TSNAXIP1: variants seen among roughly 807,000 people sequenced by gnomAD.
The protein encoded by TSNAXIP1 is translin-associated factor X-interacting protein 1.
TSNAXIP1 carries 89 observed loss-of-function variants against 84.8 expected under a neutral mutation model. The ratio of observed to expected loss-of-function variants is 1.05; its 90% CI spans 0.88 to 1.25. The LOEUF is 1.25. Ranked by LOEUF, TSNAXIP1 falls within the 50% of genes most tolerant of loss-of-function variation. The probability of loss-of-function intolerance (pLI) is 0.00; values close to 1 mark genes in which losing one functional copy is unlikely to be tolerated. For missense variants in TSNAXIP1, 874 were observed against 887.6 expected, an observed-to-expected ratio of 0.98 and a Z score of 0.20; for synonymous variants, 347 against 335.2, an observed-to-expected ratio of 1.04 and a Z score of -0.39.
At position 67,825,940 on chromosome 16, in the gene TSNAXIP1, C is replaced by T. The variant is rs1448752087; in HGVS notation, c.1008C>T (p.Tyr336=). The T allele has an allele frequency of 5.0e-6, 8 of 1,614,062 alleles. No homozygotes were observed. The highest frequency in any genetic ancestry group is 1.7e-5 in the Admixed American group (1 of 60,010). Residue 336 remains tyrosine, a synonymous_variant, in exon 9 of 16, where the codon TAC becomes TAT. Transcript: ENST00000561639. ...QEQLDTLRAS[Y]EEVRKEHEIL... is the part of the protein sequence containing the mutation. ...AGCTGGACACCCTGAGAGCCAGCTACGAGGAGGTTCGCAAGGAGCATGAGA... is the reference window on the plus strand; with the variant it reads ...AGCTGGACACCCTGAGAGCCAGCTATGAGGAGGTTCGCAAGGAGCATGAGA...
rs1321428859 is a variant in TSNAXIP1 at position 67,806,895 on chromosome 16, C to G, written c.-255C>G. On this transcript the variant is annotated 5_prime_UTR_variant, in exon 1 of 16. Coordinates refer to ENST00000561639, the MANE Select transcript of TSNAXIP1 (RefSeq NM_001288990.3). The stretch of plus-strand genomic sequence containing the variant: ...CTCCCCATGGCCTCTGTTCATCCCC[C>G]TGCCTCAGTTCTGGTACCTGGGGTC... 9.8e-6 allele frequency: 6 copies of G among 611,380 alleles called. No homozygotes were observed. In the South Asian group the frequency reaches 1.2e-4, roughly 12 times the overall value. The allele number at this position is 611,380 out of a possible 1,614,324, so 37.9% of individuals were successfully genotyped here.
intron 1 of TSNAXIP1, among the ~76,000 whole-genome samples, chr16:67,808,701 C>T (rs530586336): frequency 2.3e-4 from 34 of 150,998 alleles, no homozygotes; most frequent in Non-Finnish European, 2.8e-4. Context: ...GCCAAGATCA[C>T]GCCACTGCAC....
intron 2 of TSNAXIP1, among the ~76,000 whole-genome samples, chr16:67,819,820 T>TTTTTTTTATTTA (rs1287446322): frequency 2.9e-5 from 4 of 137,340 alleles, no homozygotes; most frequent in African/African-American, 1.1e-4. Context: ...GCTAAATTTT[T>TTTTTTTTATTTA]TTTTTTTTTT....
intron 1 of TSNAXIP1, among the ~76,000 whole-genome samples, chr16:67,812,888 GGCATGA>G (rs2056220044): frequency 6.6e-6 from 1 of 152,102 alleles, no homozygotes; most frequent in South Asian, 2.1e-4. Flanking sequence ...TGGGATTACA[GGCATGA>G]GCTACCACGC....
At chr16:67,826,355 T>TG in intron 10 of TSNAXIP1, 73 bp downstream of exon 10, 4 of 1,603,910 alleles carry the variant, frequency 2.5e-6, no homozygotes, top group Non-Finnish European at 3.4e-6. Context: ...GACAAGCTTT[T>TG]GGGGAACCAA....
At chr16:67,817,345 A>G (rs1289564684) in intron 2 of TSNAXIP1, among the ~76,000 whole-genome samples, 1 of 134,786 alleles carries the variant, frequency 7.4e-6, no homozygotes, top group Non-Finnish European at 1.6e-5. Context: ...TTTTTAGTAG[A>G]GACGGGGTTT....
intron 5 of TSNAXIP1, 74 bp from the exon 6 acceptor site, chr16:67,824,509 C>T: frequency 6.9e-7 from 1 of 1,458,122 alleles, no homozygotes; most frequent in Middle Eastern, 2.4e-4. Flanking sequence ...GCCACTCACC[C>T]ATGACCTTAG....
intron 4 of TSNAXIP1, among the ~76,000 whole-genome samples, chr16:67,822,531 A>T (rs2057142375): frequency 6.6e-6 from 1 of 151,832 alleles, no homozygotes; most frequent in African/African-American, 2.4e-5. Flanking sequence ...CCCAAGCTTA[A>T]GGAACCAGCA....
At position 67,810,436 on chromosome 16, in the gene TSNAXIP1, C is replaced by T. The variant is rs201076277; in HGVS notation, c.47+3240C>T. 9.2e-5 allele frequency among the ~76,000 whole-genome samples: 14 copies of T among 151,878 alleles called. No individual in the cohort carries two copies. In the East Asian group the frequency reaches 2.7e-3, roughly 30 times the overall value. ...GAGTTCGAGACCAGCCTGACCAACA[C>T]GGTGAAACCCCATCTCTACTAAAAA... On this transcript the variant is annotated intron_variant, in intron 1 of 15. Transcript: ENST00000561639.
chr16:67,809,971 T>A (rs1347557852), intron 1 of TSNAXIP1, among the ~76,000 whole-genome samples: 4 of 150,104 alleles, frequency 2.7e-5, no homozygotes, highest in Non-Finnish European at 5.9e-5. Context: ...ATAAATAAAA[T>A]TTAAAAAAAA....
chr16:67,807,491 A>G, intron 1 of TSNAXIP1: 1 of 1,062,276 alleles, frequency 9.4e-7, no homozygotes, highest in Non-Finnish European at 1.2e-6. Flanking sequence ...TTGAGACAAG[A>G]TCTCGTTCTG....
chr16:67,821,688 T>G (rs1420811683), intron 4 of TSNAXIP1, among the ~76,000 whole-genome samples: 1 of 147,964 alleles, frequency 6.8e-6, no homozygotes, highest in Non-Finnish European at 1.5e-5. Flanking sequence ...GCATGAAACA[T>G]CCCATGAAAA....
Position 67,824,740 on chromosome 16 carries a change from C to A in TSNAXIP1, c.639C>A (p.Ile213=). The stretch of plus-strand genomic sequence containing the variant: ...AGAAGATGAACTTGCTAAAACTCAT[C>A]GACAAAAAGAATGAGGAGAAGATTT... The part of the protein sequence containing the change: ...KKEKMNLLKL[I]DKKNEEKISL... Residue 213 remains isoleucine (I), a synonymous_variant, in exon 6 of 16, where the codon ATC becomes ATA. Coordinates refer to ENST00000561639, the MANE Select transcript of TSNAXIP1 (RefSeq NM_001288990.3). 6.2e-7 allele frequency: 1 copy of A among 1,614,010 alleles called. No individual in the cohort carries two copies. The highest frequency in any genetic ancestry group is 8.5e-7 in the Non-Finnish European group (1 of 1,179,978).
At chr16:67,808,373 G>A (rs1051719861) in intron 1 of TSNAXIP1, among the ~76,000 whole-genome samples, 3 of 152,110 alleles carry the variant, frequency 2.0e-5, no homozygotes, top group Admixed American at 6.6e-5. Flanking sequence ...TCAGGAGATC[G>A]AGACCATCCT....
In TSNAXIP1 at chr16:67,825,209, C is replaced by T. The variant is rs1334273848; in HGVS notation, c.751C>T (p.Leu251Phe). 2.5e-6 allele frequency: 4 copies of T among 1,614,048 alleles called. No homozygotes were observed. The East Asian group carries it at 8.9e-5, about 36-fold the overall frequency. ...YLSERDACKI[L>F]IADLNELRYQ... is the part of the protein sequence containing the mutation. ...CAGTGAGCGAGATGCCTGTAAGATC[C>T]TCATCGCAGACCTGAATGAGCTGCG... Residue 251 changes from leucine (L) to phenylalanine (F), a missense_variant, in exon 7 of 16, where the codon CTC (leucine) becomes TTC (phenylalanine). Coordinates refer to ENST00000561639, the MANE Select transcript of TSNAXIP1 (RefSeq NM_001288990.3).
At chr16:67,818,568 G>A (rs2056777247) in intron 2 of TSNAXIP1, among the ~76,000 whole-genome samples, 1 of 151,780 alleles carries the variant, frequency 6.6e-6, no homozygotes, top group Non-Finnish European at 1.5e-5. Flanking sequence ...GTTATTTTGT[G>A]CTTTTATAAA....
Position 67,825,772 on chromosome 16 carries a change from G to A in TSNAXIP1, c.920G>A (p.Gly307Glu), listed in dbSNP as rs1315709463. 3.7e-6 allele frequency: 6 copies of A among 1,614,194 alleles called. No homozygotes were observed. Among genetic ancestry groups the A allele is most frequent in the Non-Finnish European group, 5.1e-6 (6 of 1,180,024 alleles). The stretch of plus-strand genomic sequence containing the variant: ...CTCAACAACATGAAGGCCAACTTTG[G>A]AGATGTGGTCCCCAGGAGGGACTTT... ...MELNNMKANF[G>E]DVVPRRDFEM... The change falls in exon 8 of 16, where the codon GGA (glycine) becomes GAA (glutamate). Residue 307 changes from glycine (G) to glutamate (E), a missense_variant. Transcript: ENST00000561639.
At chr16:67,819,928 C>A (rs1455113164) in intron 2 of TSNAXIP1, among the ~76,000 whole-genome samples, 1 of 151,368 alleles carries the variant, frequency 6.6e-6, no homozygotes, top group Non-Finnish European at 1.5e-5. Context: ...ATGCCATTCT[C>A]CTGCCTCAGC....
intron 2 of TSNAXIP1, among the ~76,000 whole-genome samples, chr16:67,817,787 G>A (rs1436702525): frequency 6.6e-6 from 1 of 151,856 alleles, no homozygotes; most frequent in Non-Finnish European, 1.5e-5. Flanking sequence ...TCGGGAGGCT[G>A]AGGCAGGAGA....
Sources: allele counts gnomAD v4.1 joint callset (sites outside exome capture counted in the v4.1 genomes callset), GRCh38; gene constraint gnomAD v4.1.1; transcripts MANE v1.5; gene names NCBI Gene and HGNC (gene_info 2026-07-23, HGNC 2026-07-21).